Variants in CTNNA3 observed in about 807,000 individuals in gnomAD.
The protein encoded by CTNNA3 is catenin alpha 3.
In CTNNA3, 76 loss-of-function variants were observed where a neutral mutation model predicts 95.7. The observed-to-expected ratio is 0.79, with a 90% confidence interval of 0.66 to 0.96. The LOEUF is 0.96. CTNNA3 is among the 40% of genes least tolerant of loss of function. CTNNA3 has a pLI of 0.00. For synonymous variants in CTNNA3, 431 were observed against 374.4 expected, an observed-to-expected ratio of 1.15 and a Z score of -1.74; for missense variants, 1,191 against 1,089.8, an observed-to-expected ratio of 1.09 and a Z score of -1.31.
chr10:66,420,166 C>T (rs2093179559), intron 11 of CTNNA3, among the ~76,000 whole-genome samples: 1 of 152,090 alleles, frequency 6.6e-6, no homozygotes, highest in African/African-American at 2.4e-5. Flanking sequence ...ATATAAGATA[C>T]TCAAACAATT....
chr10:66,407,572 C>T (rs896615154), intron 11 of CTNNA3, among the ~76,000 whole-genome samples: 21 of 144,660 alleles, frequency 1.5e-4, no homozygotes, highest in African/African-American at 5.6e-4. Flanking sequence ...AGCCCACTTT[C>T]ACAACTTTTA....
At chr10:66,931,893 T>A (rs1564775687) in intron 7 of CTNNA3, among the ~76,000 whole-genome samples, 1 of 152,204 alleles carries the variant, frequency 6.6e-6, no homozygotes, top group East Asian at 1.9e-4. Context: ...TTGATATTTT[T>A]ATTAAAGGGG....
At chr10:67,687,114 G>C (rs1295363080) in intron 1 of CTNNA3, among the ~76,000 whole-genome samples, 2 of 152,184 alleles carry the variant, frequency 1.3e-5, no homozygotes, top group Non-Finnish European at 2.9e-5. Context: ...AACGGACCTT[G>C]AGGACAGCTG....
intron 7 of CTNNA3, among the ~76,000 whole-genome samples, chr10:66,830,771 G>A (rs1363280743): frequency 1.4e-4 from 22 of 151,968 alleles, no homozygotes; most frequent in Admixed American, 1.2e-3. Context: ...CATCACGCCC[G>A]GCTAATTTTT....
intron 10 of CTNNA3, among the ~76,000 whole-genome samples, chr10:66,557,983 T>C (rs191450300): frequency 1.3e-5 from 2 of 152,224 alleles, no homozygotes; most frequent in Admixed American, 1.3e-4. Flanking sequence ...ATTTCCAGTA[T>C]ATATATTTAA....
At chr10:66,216,304 C>T (rs894535148) in intron 13 of CTNNA3, among the ~76,000 whole-genome samples, 1 of 152,216 alleles carries the variant, frequency 6.6e-6, no homozygotes, top group East Asian at 1.9e-4. Context: ...AAATCAAGAT[C>T]AACAGTACTG....
At chr10:66,139,859 T>G (rs1374696731) in intron 13 of CTNNA3, among the ~76,000 whole-genome samples, 1 of 152,170 alleles carries the variant, frequency 6.6e-6, no homozygotes, top group Non-Finnish European at 1.5e-5. Context: ...TATCCTGGGT[T>G]GAACTCCAAT....
intron 5 of CTNNA3, among the ~76,000 whole-genome samples, chr10:67,416,210 C>T (rs549307963): frequency 6.6e-6 from 1 of 152,152 alleles, no homozygotes; most frequent in East Asian, 1.9e-4. Flanking sequence ...AAGAGACAAC[C>T]TATAGAATGA....
At chr10:67,460,308 G>A (rs1847326547) in intron 5 of CTNNA3, among the ~76,000 whole-genome samples, 1 of 152,146 alleles carries the variant, frequency 6.6e-6, no homozygotes, top group Non-Finnish European at 1.5e-5. Context: ...TAGTCCCTGG[G>A]TGTGGAAACC....
intron 13 of CTNNA3, among the ~76,000 whole-genome samples, chr10:66,261,199 A>T (rs1287405594): frequency 6.6e-6 from 1 of 152,062 alleles, no homozygotes; most frequent in Non-Finnish European, 1.5e-5. Context: ...TGATCTTCTC[A>T]GCTTCTGTTG....
intron 10 of CTNNA3, among the ~76,000 whole-genome samples, chr10:66,588,914 G>A (rs1270399856): frequency 6.7e-6 from 1 of 148,182 alleles, no homozygotes; most frequent in Admixed American, 6.9e-5. Flanking sequence ...ATAAAAGAAG[G>A]TCTCTGTGTC....
At chr10:66,984,009 G>A (rs1004147355) in intron 7 of CTNNA3, among the ~76,000 whole-genome samples, 1 of 152,124 alleles carries the variant, frequency 6.6e-6, no homozygotes, top group Non-Finnish European at 1.5e-5. Context: ...GGCTTAGGTA[G>A]GCTAAATATC....
At chr10:67,400,958 A>T (rs891398644) in intron 5 of CTNNA3, among the ~76,000 whole-genome samples, 1 of 152,216 alleles carries the variant, frequency 6.6e-6, no homozygotes, top group African/African-American at 2.4e-5. Flanking sequence ...ATCTAATAAT[A>T]TGATCCTGGA....
At chr10:67,237,173 T>C (rs183859962) in intron 5 of CTNNA3, among the ~76,000 whole-genome samples, 9,873 of 111,818 alleles carry the variant, frequency 0.088, 893 homozygotes, top group African/African-American at 0.18. Context: ...TATATATATA[T>C]ACACACACAA....
intron 11 of CTNNA3, among the ~76,000 whole-genome samples, chr10:66,498,826 G>T (rs1840183398): frequency 6.6e-6 from 1 of 152,184 alleles, no homozygotes; most frequent in Non-Finnish European, 1.5e-5. Context: ...AACTAGAATA[G>T]TTATGCTACA....
intron 7 of CTNNA3, among the ~76,000 whole-genome samples, chr10:67,033,254 G>A (rs555177797): frequency 1.3e-5 from 2 of 152,288 alleles, no homozygotes; most frequent in East Asian, 3.9e-4. Context: ...GAGGCAAAGT[G>A]TTATGTGAGG....
At chr10:67,216,383 C>G (rs16924239) in intron 6 of CTNNA3, among the ~76,000 whole-genome samples, 6,361 of 152,206 alleles carry the variant, frequency 0.042, 168 homozygotes, top group South Asian at 0.088. Context: ...ACTATAAATT[C>G]ATGGCCTGGT....
At chr10:67,649,603 A>C (rs1038037537) in intron 1 of CTNNA3, among the ~76,000 whole-genome samples, 30 of 152,226 alleles carry the variant, frequency 2.0e-4, no homozygotes, top group Admixed American at 1.8e-3. Context: ...ATTAATCTTT[A>C]AATAAATGCT....
At chr10:67,112,273 T>G (rs1183447893) in intron 7 of CTNNA3, among the ~76,000 whole-genome samples, 1 of 152,174 alleles carries the variant, frequency 6.6e-6, no homozygotes, top group Non-Finnish European at 1.5e-5. Flanking sequence ...CCCTTAATTT[T>G]AATGTTCCTT....
Sources: allele counts gnomAD v4.1 joint callset (sites outside exome capture counted in the v4.1 genomes callset), GRCh38; gene constraint gnomAD v4.1.1; transcripts MANE v1.5; gene names NCBI Gene and HGNC (gene_info 2026-07-23, HGNC 2026-07-21).